The following CEP63 variants were observed in gnomAD, a reference collection of about 807,000 sequenced individuals.
CEP63 encodes centrosomal protein of 63 kDa.
Under a neutral mutation model 89.1 loss-of-function variants are expected in CEP63, and 84 were observed. The ratio of observed to expected loss-of-function variants is 0.94; its 90% CI spans 0.79 to 1.13. CEP63 has a LOEUF of 1.13. Among genes scored for constraint, CEP63 ranks in the 50% most tolerant of loss-of-function variants. The pLI is 0.00. For synonymous variants in CEP63, 267 were observed against 272.5 expected (o/e 0.98, Z 0.20); for missense variants, 838 against 813.3 (o/e 1.03, Z -0.37).
chr3:134,599,986 A>G, the CEP63 span, among the ~76,000 whole-genome samples: 1 of 152,224 alleles, frequency 6.6e-6, no homozygotes, highest in African/African-American at 2.4e-5. Flanking sequence ...GAGAAAGCAT[A>G]CTCAACAGCC....
downstream of CEP63, chr3:134,575,116 C>T (rs1958167349): frequency 3.6e-6 from 1 of 274,732 alleles, no homozygotes. Flanking sequence ...AAGATAACTC[C>T]TTCCTTCCTT....
intron 3 of CEP63, among the ~76,000 whole-genome samples, chr3:134,522,654 CTA>C (rs1559933876): frequency 6.6e-6 from 1 of 152,232 alleles, no homozygotes; most frequent in East Asian, 1.9e-4. Flanking sequence ...TTGTTCCCCT[CTA>C]TGTGTCCCAT....
chr3:134,658,905 G>C, the CEP63 span, among the ~76,000 whole-genome samples: 1 of 152,144 alleles, frequency 6.6e-6, no homozygotes, highest in African/African-American at 2.4e-5. Context: ...AACCTTTCTG[G>C]TATGTCTCTT....
the CEP63 span, among the ~76,000 whole-genome samples, chr3:134,729,466 C>G: frequency 3.3e-4 from 50 of 151,624 alleles, no homozygotes; most frequent in African/African-American, 9.0e-4. Context: ...CCACTGCATG[C>G]GAGTGTTGTA....
intron 3 of CEP63, among the ~76,000 whole-genome samples, chr3:134,516,486 G>T (rs536718899): frequency 3.3e-5 from 5 of 152,288 alleles, no homozygotes; most frequent in Admixed American, 6.5e-5. Flanking sequence ...CCCTTTACGG[G>T]TGTCGGGCTG....
chr3:134,763,635 C>T, the CEP63 span, among the ~76,000 whole-genome samples: 20 of 152,174 alleles, frequency 1.3e-4, no homozygotes, highest in African/African-American at 3.6e-4. Flanking sequence ...TTACCCAGTT[C>T]GCTGTGTTTT....
downstream of CEP63, among the ~76,000 whole-genome samples, chr3:134,569,970 G>T (rs1384513194): frequency 3.3e-5 from 5 of 152,228 alleles, no homozygotes; most frequent in Non-Finnish European, 7.3e-5. Context: ...TTTGGGACTT[G>T]CACCCTCTGA....
the CEP63 span, among the ~76,000 whole-genome samples, chr3:134,660,509 T>C: frequency 1.3e-5 from 2 of 152,182 alleles, no homozygotes; most frequent in Non-Finnish European, 2.9e-5. Flanking sequence ...TAGACCAAGG[T>C]CTATCATTAT....
intron 3 of CEP63, among the ~76,000 whole-genome samples, chr3:134,513,963 T>G (rs909082241): frequency 1.3e-5 from 2 of 152,058 alleles, no homozygotes; most frequent in Admixed American, 1.3e-4. Flanking sequence ...TGGTACTTGC[T>G]CAGAAAATAA....
the CEP63 span, among the ~76,000 whole-genome samples, chr3:134,615,787 T>G: frequency 2.2e-4 from 34 of 152,328 alleles, no homozygotes; most frequent in African/African-American, 7.9e-4. Context: ...CTGCCTATCT[T>G]TTGGGGCCTT....
At chr3:134,657,209 C>A in the CEP63 span, among the ~76,000 whole-genome samples, 1 of 152,120 alleles carries the variant, frequency 6.6e-6, no homozygotes, top group African/African-American at 2.4e-5. Context: ...AGCGGAAACC[C>A]CTGATAAACT....
At chr3:134,513,369 A>G (rs1055374975) in intron 3 of CEP63, among the ~76,000 whole-genome samples, 2 of 152,214 alleles carry the variant, frequency 1.3e-5, no homozygotes, top group Admixed American at 6.5e-5. Context: ...AATTTCCCTC[A>G]GGACGTTTAC....
the CEP63 span, among the ~76,000 whole-genome samples, chr3:134,752,838 G>C: frequency 6.6e-6 from 1 of 152,116 alleles, no homozygotes; most frequent in Non-Finnish European, 1.5e-5. Flanking sequence ...ACTGGACCCT[G>C]AACTGTTTGA....
chr3:134,707,714 T>G, the CEP63 span, among the ~76,000 whole-genome samples: 1 of 151,002 alleles, frequency 6.6e-6, no homozygotes, highest in Admixed American at 6.6e-5. Context: ...GTAAAGAAGA[T>G]GTATTTGTGC....
Position 134,561,533 on chromosome 3 carries a change from T to C in CEP63, c.2110T>C (p.Ter704GlnextTer26). The change falls in exon 15 of 15, where the codon TAG becomes CAG. Residue 704 changes from the stop codon to glutamine (Q), a stop_lost. Coordinates refer to ENST00000675561, the MANE Select transcript of CEP63 (RefSeq NM_001353108.3). ...AGTGAGACAATTCACAGCCTTAAAG[T>C]AGCCTCTTAAAAAAATCACTATCTT... is the stretch of plus-strand genomic sequence containing the variant. Reference protein sequence around the residue: ...KTVRQFTALK* With the variant: ...KTVRQFTALKQ The C allele has an allele frequency of 6.2e-7, 1 of 1,612,616 alleles. No individual in the cohort carries two copies. Among genetic ancestry groups the C allele is most frequent in the South Asian group, 1.1e-5 (1 of 90,906 alleles).
At chr3:134,576,858 ACT>A (rs755762390), downstream of CEP63, among the ~76,000 whole-genome samples, 5 of 134,800 alleles carry the variant, frequency 3.7e-5, no homozygotes, top group South Asian at 2.4e-4. Context: ...AGGAACTAAA[ACT>A]TGGCTCCCTG....
chr3:134,754,522 C>T, the CEP63 span, among the ~76,000 whole-genome samples: 1 of 152,118 alleles, frequency 6.6e-6, no homozygotes, highest in African/African-American at 2.4e-5. Context: ...ATGCTCAAGG[C>T]CTCAGGATGC....
the CEP63 span, among the ~76,000 whole-genome samples, chr3:134,655,408 G>A: frequency 7.2e-5 from 11 of 152,318 alleles, no homozygotes; most frequent in African/African-American, 2.4e-4. Context: ...CAGGAGTTAC[G>A]GCACAGCACA....
chr3:134,614,749 C>T, the CEP63 span, among the ~76,000 whole-genome samples: 72 of 152,264 alleles, frequency 4.7e-4, no homozygotes, highest in Admixed American at 3.9e-4. Flanking sequence ...CTGAGATGGT[C>T]CAGGCCCTGC....
Sources: allele counts gnomAD v4.1 joint callset (sites outside exome capture counted in the v4.1 genomes callset), GRCh38; gene constraint gnomAD v4.1.1; transcripts MANE v1.5; gene names NCBI Gene and HGNC (gene_info 2026-07-23, HGNC 2026-07-21).